The following RPS6KC1 variants were observed in gnomAD, a reference collection of about 807,000 sequenced individuals.
The protein encoded by RPS6KC1 is inactive ribosomal protein S6 kinase delta-1.
In RPS6KC1, 54 loss-of-function variants were observed where a neutral mutation model predicts 103.8. The observed-to-expected ratio is 0.52, with a 90% confidence interval of 0.42 to 0.65. The LOEUF is 0.65. RPS6KC1 is among the 30% of genes least tolerant of loss of function. The pLI is 0.00. For synonymous variants in RPS6KC1, 439 were observed against 438.7 expected (o/e 1.00, Z -0.01); for missense variants, 1,151 against 1,253.8 (o/e 0.92, Z 1.24).
At chr1:213,370,204 C>T in the RPS6KC1 span, among the ~76,000 whole-genome samples, 3 of 151,744 alleles carry the variant, frequency 2.0e-5, no homozygotes, top group Non-Finnish European at 4.4e-5. Flanking sequence ...CTTGCTTGTA[C>T]TAAGACAGTT....
At chr1:213,120,291 C>T (rs2084233288) in intron 5 of RPS6KC1, among the ~76,000 whole-genome samples, 1 of 152,066 alleles carries the variant, frequency 6.6e-6, no homozygotes, top group African/African-American at 2.4e-5. Context: ...GTTTTTCTCC[C>T]CTCCCTTTAA....
intron 9 of RPS6KC1, among the ~76,000 whole-genome samples, chr1:213,231,465 C>T (rs2148866025): frequency 6.6e-6 from 1 of 152,226 alleles, no homozygotes; most frequent in East Asian, 1.9e-4. Context: ...TTAAGCATTT[C>T]CACAGCATTC....
the RPS6KC1 span, among the ~76,000 whole-genome samples, chr1:213,763,641 A>G: frequency 3.9e-4 from 59 of 152,344 alleles, 2 homozygotes; most frequent in Admixed American, 3.1e-3. Context: ...AGGATTAAAA[A>G]TTAAACACCA....
At chr1:213,832,929 T>A in the RPS6KC1 span, among the ~76,000 whole-genome samples, 1 of 152,198 alleles carries the variant, frequency 6.6e-6, no homozygotes, top group East Asian at 1.9e-4. Flanking sequence ...AACTCCTAAC[T>A]TAGCTGCAGC....
At chr1:213,380,891 A>G in the RPS6KC1 span, among the ~76,000 whole-genome samples, 31 of 152,104 alleles carry the variant, frequency 2.0e-4, no homozygotes, top group South Asian at 5.8e-3. Context: ...TTCTGCCCAC[A>G]TGTTCTCTTC....
chr1:213,076,305 G>A (rs1264753358), intron 2 of RPS6KC1, among the ~76,000 whole-genome samples: 1 of 152,194 alleles, frequency 6.6e-6, no homozygotes. Context: ...AATTAAGGTA[G>A]AATTTTTGGC....
At chr1:213,204,620 C>CTTTT (rs35617516) in intron 8 of RPS6KC1, among the ~76,000 whole-genome samples, 6 of 127,640 alleles carry the variant, frequency 4.7e-5, no homozygotes, top group Non-Finnish European at 5.0e-5. Flanking sequence ...TTAATTGTCA[C>CTTTT]TTTTTTTTTT....
chr1:213,705,943 G>A, the RPS6KC1 span, among the ~76,000 whole-genome samples: 2 of 152,204 alleles, frequency 1.3e-5, no homozygotes, highest in African/African-American at 2.4e-5. Context: ...TGCTGTAGCT[G>A]AGCATGTATC....
the RPS6KC1 span, among the ~76,000 whole-genome samples, chr1:213,823,583 T>C: frequency 1.3e-5 from 2 of 152,146 alleles, no homozygotes; most frequent in Non-Finnish European, 2.9e-5. Flanking sequence ...CTTCCTTATA[T>C]ATGGTAACCA....
the RPS6KC1 span, among the ~76,000 whole-genome samples, chr1:213,627,091 T>C: frequency 6.6e-6 from 1 of 152,224 alleles, no homozygotes; most frequent in African/African-American, 2.4e-5. Flanking sequence ...TTGTATCCTC[T>C]TTTATTTCAT....
chr1:213,629,234 C>G, the RPS6KC1 span, among the ~76,000 whole-genome samples: 2 of 151,974 alleles, frequency 1.3e-5, no homozygotes, highest in Admixed American at 6.6e-5. Context: ...CTTTGTAGGT[C>G]TCTAAGGACT....
the RPS6KC1 span, among the ~76,000 whole-genome samples, chr1:213,450,923 TGAGTTCGTG>T: frequency 0.044 from 6,667 of 152,136 alleles, 163 homozygotes; most frequent in African/African-American, 0.059. Context: ...TGCAGTGAGC[TGAGTTCGTG>T]CCATTGCACT....
chr1:213,692,565 G>A, the RPS6KC1 span, among the ~76,000 whole-genome samples: 9 of 152,082 alleles, frequency 5.9e-5, no homozygotes, highest in South Asian at 2.1e-4. Context: ...CTTCCCTTGC[G>A]GTGGGCTGTC....
chr1:213,245,140 A>G (rs143603802), intron 12 of RPS6KC1, among the ~76,000 whole-genome samples: 10 of 152,280 alleles, frequency 6.6e-5, no homozygotes, highest in African/African-American at 2.4e-4. Flanking sequence ...GGGAAATTGG[A>G]GCAAAAATTT....
At chr1:213,407,454 A>T in the RPS6KC1 span, among the ~76,000 whole-genome samples, 1 of 152,172 alleles carries the variant, frequency 6.6e-6, no homozygotes, top group Non-Finnish European at 1.5e-5. Context: ...CATCCCTGAC[A>T]TCCACAACCA....
chr1:213,345,203 G>A, the RPS6KC1 span, among the ~76,000 whole-genome samples: 2 of 152,290 alleles, frequency 1.3e-5, no homozygotes, highest in Admixed American at 6.5e-5. Context: ...TAAGGATACA[G>A]TTTGATGAAT....
At chr1:213,784,216 C>G in the RPS6KC1 span, among the ~76,000 whole-genome samples, 3 of 152,184 alleles carry the variant, frequency 2.0e-5, no homozygotes, top group African/African-American at 4.8e-5. Context: ...ATGCTCTTTC[C>G]CAAGGACTAG....
the RPS6KC1 span, among the ~76,000 whole-genome samples, chr1:213,520,504 C>T: frequency 6.6e-6 from 1 of 152,194 alleles, no homozygotes; most frequent in Non-Finnish European, 1.5e-5. Flanking sequence ...CAAACCATAT[C>T]ACTCAGTGAC....
At chr1:213,367,695 CAT>C in the RPS6KC1 span, among the ~76,000 whole-genome samples, 1 of 152,334 alleles carries the variant, frequency 6.6e-6, no homozygotes, top group African/African-American at 2.4e-5. Context: ...TGCTTCGTGA[CAT>C]AGCTGATTTG....
Sources: gnomAD v4.1 joint callset for allele counts (sites outside exome capture counted in the v4.1 genomes callset) on GRCh38, gnomAD v4.1.1 for gene constraint, MANE v1.5 for transcripts, NCBI Gene and HGNC (gene_info 2026-07-23, HGNC 2026-07-21) for gene names.